GRXCR2: variants seen among roughly 807,000 people sequenced by gnomAD.
GRXCR2 encodes glutaredoxin and cysteine rich domain containing 2.
Under a neutral mutation model 24.8 loss-of-function variants are expected in GRXCR2, and 23 were observed. The ratio of observed to expected loss-of-function variants is 0.93; its 90% CI spans 0.67 to 1.32. GRXCR2 has a LOEUF of 1.32. Ranked by LOEUF, GRXCR2 falls within the 40% of genes most tolerant of loss-of-function variation. The pLI, the probability that GRXCR2 is intolerant of heterozygous loss-of-function variation, is 0.00. For missense variants in GRXCR2, 315 were observed against 303.4 expected, an observed-to-expected ratio of 1.04 and a Z score of -0.28; for synonymous variants, 130 against 116.1, an observed-to-expected ratio of 1.12 and a Z score of -0.77.
chr5:145,859,934 G>C lies in GRXCR2; in HGVS notation c.565-19C>G, dbSNP rs747698755. 1 of 1,539,528 alleles carries C rather than the reference G, an allele frequency of 6.5e-7. No homozygotes were observed. The highest frequency in any genetic ancestry group is 2.3e-5 in the East Asian group (1 of 43,800). On this transcript the variant is annotated intron_variant, in intron 2 of 2. Coordinates refer to ENST00000377976, the MANE Select transcript of GRXCR2 (RefSeq NM_001080516.2). ...CCCCTTCCTGCAAGAGACAGGTTAG[G>C]GTTTAGTTAAAGCAGCAGTTCAAGT...
At chr5:145,891,480 G>C (rs1756863847) in intron 2 of GRXCR2, among the ~76,000 whole-genome samples, 1 of 152,234 alleles carries the variant, frequency 6.6e-6, no homozygotes, top group African/African-American at 2.4e-5. Context: ...CACACCAGGA[G>C]ATTATATCCT....
chr5:145,866,649 C>G lies in GRXCR2; in HGVS notation c.416G>C (p.Arg139Thr), dbSNP rs750674789. Reference sequence around the variant, plus strand: ...CTGGAGAATTTTCCTCACAAAATCTCTCTTGTCCATTGGGGTTCGAATGAT... The same window carrying G: ...CTGGAGAATTTTCCTCACAAAATCTGTCTTGTCCATTGGGGTTCGAATGAT... Reference protein sequence around the residue: ...LKIIRTPMDKRDFVRKILQKE... With the variant: ...LKIIRTPMDKTDFVRKILQKE... The change falls in exon 2 of 3, where the codon AGA becomes ACA. Residue 139 changes from arginine to threonine, a missense_variant. Transcript: ENST00000377976. 1.7e-5 allele frequency: 28 copies of G among 1,613,924 alleles called. 1 individual carries two copies. The East Asian group carries it at 5.8e-4, about 33-fold the overall frequency.
At chr5:145,891,166 G>A (rs1324212032) in intron 2 of GRXCR2, among the ~76,000 whole-genome samples, 2 of 152,118 alleles carry the variant, frequency 1.3e-5, no homozygotes, top group Non-Finnish European at 2.9e-5. Flanking sequence ...AGCCAACATG[G>A]CCGAATAGGA....
At chr5:145,911,540 A>C (rs1045249130) in intron 2 of GRXCR2, among the ~76,000 whole-genome samples, 3 of 152,152 alleles carry the variant, frequency 2.0e-5, no homozygotes, top group Non-Finnish European at 4.4e-5. Flanking sequence ...GGAGATGAAA[A>C]CTTTGGAAGA....
At chr5:145,924,412 T>C (rs1417497809) in intron 2 of GRXCR2, among the ~76,000 whole-genome samples, 4 of 152,200 alleles carry the variant, frequency 2.6e-5, no homozygotes, top group East Asian at 3.8e-4. Context: ...TCAATAATAA[T>C]ACTAATTCCC....
At chr5:145,889,176 G>GAAAGAA (rs1756822327) in intron 2 of GRXCR2, among the ~76,000 whole-genome samples, 1 of 73,618 alleles carries the variant, frequency 1.4e-5, no homozygotes, top group East Asian at 3.5e-4. Flanking sequence ...CTCAAAAAAA[G>GAAAGAA]AAAGAAAGAA....
intron 2 of GRXCR2, among the ~76,000 whole-genome samples, chr5:145,914,451 G>A (rs929273912): frequency 2.6e-5 from 4 of 151,924 alleles, no homozygotes; most frequent in Admixed American, 2.0e-4. Context: ...CGAGGCAGGT[G>A]GATCACCTGA....
At chr5:145,906,659 A>G (rs531458377) in intron 2 of GRXCR2, among the ~76,000 whole-genome samples, 92 of 152,304 alleles carry the variant, frequency 6.0e-4, no homozygotes, top group Non-Finnish European at 7.6e-4. Flanking sequence ...AGAGTTGGGC[A>G]CTGTGTTAAT....
Position 145,871,035 on chromosome 5 carries a change from C to T in GRXCR2, c.336+1598G>A, listed in dbSNP as rs997055582. Reference sequence around the variant, plus strand: ...GCTGTGAGTTATGATCATACCACTGCACTCCAGCCTGGTTGACAGATGAGA... The same window carrying T: ...GCTGTGAGTTATGATCATACCACTGTACTCCAGCCTGGTTGACAGATGAGA... On this transcript the variant is annotated intron_variant, in intron 1 of 2. Transcript: ENST00000377976. Among the ~76,000 whole-genome samples, 6 of 152,106 alleles carry T rather than the reference C, an allele frequency of 3.9e-5. No homozygotes were observed. In the South Asian group the frequency reaches 1.0e-3, roughly 26 times the overall value.
intron 1 of GRXCR2, among the ~76,000 whole-genome samples, chr5:145,867,655 C>G (rs1002093345): frequency 6.6e-6 from 1 of 152,174 alleles, no homozygotes; most frequent in African/African-American, 2.4e-5. Context: ...TGCCTGACTG[C>G]AGCATCTAAA....
intron 1 of GRXCR2, among the ~76,000 whole-genome samples, chr5:145,871,830 T>C (rs1404092171): frequency 1.3e-5 from 2 of 152,324 alleles, no homozygotes; most frequent in East Asian, 3.9e-4. Context: ...ATTAATAACG[T>C]GGATACATTA....
In GRXCR2 at chr5:145,859,717, A is replaced by T; in HGVS notation, c.*16T>A. 1 of 1,613,524 alleles carries T rather than the reference A, an allele frequency of 6.2e-7. No individual in the cohort carries two copies. Among genetic ancestry groups the T allele is most frequent in the Non-Finnish European group, 8.5e-7 (1 of 1,179,448 alleles). On this transcript the variant is annotated 3_prime_UTR_variant, in exon 3 of 3. Transcript: ENST00000377976. ...TAGGGAGGGTAAGATAACAGTGGAC[A>T]TGCAAAAGCCACGGGCTATTGATTG...
intron 2 of GRXCR2, 96 bp from the exon 3 acceptor site, chr5:145,860,011 G>A: frequency 1.0e-6 from 1 of 985,482 alleles, no homozygotes; most frequent in South Asian, 1.8e-5. Flanking sequence ...AAAGGCTGGG[G>A]CAGAATAGAG....
chr5:145,923,335 T>C (rs1428276548), intron 2 of GRXCR2, among the ~76,000 whole-genome samples: 5 of 152,168 alleles, frequency 3.3e-5, no homozygotes, highest in Non-Finnish European at 5.9e-5. Context: ...TGATAAGCAA[T>C]GAGCCTGCAA....
intron 2 of GRXCR2, among the ~76,000 whole-genome samples, chr5:145,898,997 T>G (rs1394946851): frequency 6.6e-6 from 1 of 152,104 alleles, no homozygotes; most frequent in African/African-American, 2.4e-5. Context: ...AATACAATTC[T>G]AGACCTTGAA....
At chr5:145,913,173 G>C (rs1271314283) in intron 2 of GRXCR2, among the ~76,000 whole-genome samples, 2 of 152,120 alleles carry the variant, frequency 1.3e-5, no homozygotes, top group African/African-American at 4.8e-5. Flanking sequence ...ATTAATGTGG[G>C]TAGATTACCA....
At chr5:145,877,589 T>C (rs1265311100), upstream of GRXCR2, among the ~76,000 whole-genome samples, 2 of 152,230 alleles carry the variant, frequency 1.3e-5, no homozygotes, top group African/African-American at 4.8e-5. Flanking sequence ...ATAGAAGAGA[T>C]CTGTTCCAAG....
rs184350835 is a variant in GRXCR2 at position 145,926,151 on chromosome 5, G to T, written c.-70+9550C>A. Among the ~76,000 whole-genome samples, 9 of 152,244 alleles carry T rather than the reference G, an allele frequency of 5.9e-5. No individual in the cohort carries two copies. In the East Asian group the frequency reaches 1.7e-3, roughly 29 times the overall value. ...GAGAAAGACAGGTTAGGAGTGAAAT[G>T]ATTTATCACTTACTTTTCTTTAGTA... On this transcript the variant is annotated intron_variant, in intron 2 of 3. Coordinates refer to the GRXCR2 transcript ENST00000639411.
chr5:145,864,884 G>A (rs559146686), intron 2 of GRXCR2, among the ~76,000 whole-genome samples: 3 of 152,288 alleles, frequency 2.0e-5, no homozygotes, highest in Non-Finnish European at 4.4e-5. Flanking sequence ...GGTTGGAAAG[G>A]TACCTGAATG....
Sources: allele counts gnomAD v4.1 joint callset (sites outside exome capture counted in the v4.1 genomes callset), GRCh38; gene constraint gnomAD v4.1.1; transcripts MANE v1.5; gene names NCBI Gene and HGNC (gene_info 2026-07-23, HGNC 2026-07-21).